PCDHA10: variants seen among roughly 807,000 people sequenced by gnomAD.
PCDHA10 encodes the protein protocadherin alpha-10.
A neutral mutation model predicts 61.2 loss-of-function variants in PCDHA10; 45 were observed. The observed-to-expected ratio is 0.74, with a 90% confidence interval of 0.58 to 0.94. PCDHA10 has a LOEUF of 0.94. Ranked by LOEUF, PCDHA10 falls within the 40% of genes least tolerant of loss-of-function variation. The pLI, the probability that PCDHA10 is intolerant of heterozygous loss-of-function variation, is 0.00. For synonymous variants in PCDHA10, 602 were observed against 548.8 expected (o/e 1.10, Z -1.35); for missense variants, 1,278 against 1,236.2 (o/e 1.03, Z -0.51).
intron 1 of PCDHA10, chr5:140,871,293 G>A (rs1206433527): frequency 6.2e-7 from 1 of 1,613,794 alleles, no homozygotes; most frequent in Non-Finnish European, 8.5e-7. Context: ...CTGAGGGCGC[G>A]TGCGCGCCGG....
At chr5:140,936,604 G>A (rs1186463181) in intron 1 of PCDHA10, among the ~76,000 whole-genome samples, 4 of 152,116 alleles carry the variant, frequency 2.6e-5, no homozygotes, top group South Asian at 2.1e-4. Context: ...TACTTTCCTC[G>A]CTGCTACTGT....
At chr5:140,951,420 T>G (rs1212893926) in intron 1 of PCDHA10, among the ~76,000 whole-genome samples, 3 of 151,992 alleles carry the variant, frequency 2.0e-5, no homozygotes, top group African/African-American at 7.2e-5. Flanking sequence ...TGGCTCACAG[T>G]TCCACAGGCT....
At chr5:140,969,112 A>G (rs781784282) in intron 1 of PCDHA10, 4 of 1,614,022 alleles carry the variant, frequency 2.5e-6, no homozygotes, top group Admixed American at 3.3e-5. Context: ...TTGAAGTTCG[A>G]GGGAATGGCT....
At chr5:140,939,051 T>G (rs1359303875) in intron 1 of PCDHA10, among the ~76,000 whole-genome samples, 1 of 152,236 alleles carries the variant, frequency 6.6e-6, no homozygotes, top group East Asian at 1.9e-4. Flanking sequence ...TTAGTCCATT[T>G]GGGCTGCTAT....
intron 3 of PCDHA10, among the ~76,000 whole-genome samples, chr5:140,999,654 C>T (rs180994815): frequency 1.3e-3 from 194 of 152,238 alleles, no homozygotes; most frequent in African/African-American, 4.4e-3. Context: ...AGCCTGAGCC[C>T]TGCTGGGTTG....
chr5:140,872,623 T>C (rs960064096), intron 1 of PCDHA10, among the ~76,000 whole-genome samples: 3 of 152,152 alleles, frequency 2.0e-5, no homozygotes, highest in African/African-American at 4.8e-5. Flanking sequence ...TTGCCTGTTC[T>C]TGATTTTGTT....
At chr5:140,915,814 A>G (rs2077313905) in intron 1 of PCDHA10, among the ~76,000 whole-genome samples, 1 of 152,102 alleles carries the variant, frequency 6.6e-6, no homozygotes, top group African/African-American at 2.4e-5. Flanking sequence ...TGTTCACTCA[A>G]GGCCCTAGGG....
chr5:140,923,792 T>G (rs2081513332), intron 1 of PCDHA10, among the ~76,000 whole-genome samples: 1 of 152,310 alleles, frequency 6.6e-6, no homozygotes, highest in South Asian at 2.1e-4. Flanking sequence ...CTTCATTCTT[T>G]TCACAAATGA....
chr5:140,985,394 A>C (rs2097150028), intron 3 of PCDHA10, among the ~76,000 whole-genome samples: 1 of 152,084 alleles, frequency 6.6e-6, no homozygotes, highest in South Asian at 2.1e-4. Context: ...AGTCACCCCA[A>C]CTGTTCCCCT....
intron 1 of PCDHA10, chr5:140,871,726 T>A (rs1412265993): frequency 1.3e-6 from 1 of 740,884 alleles, no homozygotes; most frequent in Non-Finnish European, 2.1e-6. Flanking sequence ...CTCTTAATAT[T>A]TGGTTAGCAA....
chr5:140,928,166 T>G, intron 1 of PCDHA10: 1 of 1,614,142 alleles, frequency 6.2e-7, no homozygotes, highest in South Asian at 1.1e-5. Context: ...TCACCCCCAC[T>G]TAGCACCCGA....
At position 140,874,324 on chromosome 5, in the gene PCDHA10, C is replaced by A. The variant is rs1369470009; in HGVS notation, c.2388+15888C>A. On this transcript the variant is annotated intron_variant, in intron 1 of 3. Transcript: ENST00000307360. Reference sequence around the variant, plus strand: ...TTCACAATGAGTTGTAGGATCTTATCTGTTTTTTTCTCTTAAAGCTGATCT... The same window carrying A: ...TTCACAATGAGTTGTAGGATCTTATATGTTTTTTTCTCTTAAAGCTGATCT... Among the ~76,000 whole-genome samples the A allele has an allele frequency of 2.6e-5, 4 of 151,652 alleles. No individual in the cohort carries two copies. In the East Asian group the frequency reaches 7.7e-4, roughly 29 times the overall value.
At chr5:140,887,976 TA>T (rs1462545504) in intron 1 of PCDHA10, among the ~76,000 whole-genome samples, 1 of 152,256 alleles carries the variant, frequency 6.6e-6, no homozygotes, top group African/African-American at 2.4e-5. Context: ...TTTTAAAATT[TA>T]TTTTACATGT....
intron 1 of PCDHA10, among the ~76,000 whole-genome samples, chr5:140,948,880 C>G (rs1430288840): frequency 6.6e-6 from 1 of 151,410 alleles, no homozygotes; most frequent in Non-Finnish European, 1.5e-5. Flanking sequence ...TTACTTTGCT[C>G]TCTTTTAGAT....
chr5:140,869,977 T>C (rs2051552630), intron 1 of PCDHA10: 1 of 1,613,234 alleles, frequency 6.2e-7, no homozygotes, highest in Non-Finnish European at 8.5e-7. Flanking sequence ...AAGACACTTA[T>C]TTACACTAGA....
intron 1 of PCDHA10, chr5:140,861,392 G>A (rs2046897620): frequency 2.2e-6 from 1 of 451,822 alleles, no homozygotes; most frequent in Non-Finnish European, 4.5e-6. Context: ...ACCTGGGTCT[G>A]GAGCTTGTGG....
At chr5:140,956,190 T>A (rs1441772845) in intron 1 of PCDHA10, among the ~76,000 whole-genome samples, 1 of 152,208 alleles carries the variant, frequency 6.6e-6, no homozygotes, top group Non-Finnish European at 1.5e-5. Flanking sequence ...CTATGCTGAA[T>A]AGGAGTGGTG....
intron 3 of PCDHA10, among the ~76,000 whole-genome samples, chr5:140,988,245 G>C (rs17286877): frequency 0.027 from 4,184 of 152,286 alleles, 88 homozygotes; most frequent in Non-Finnish European, 0.043. Flanking sequence ...GAGTGGGGCA[G>C]CTCCCGCCTG....
intron 1 of PCDHA10, among the ~76,000 whole-genome samples, chr5:140,957,899 A>G (rs551066654): frequency 3.0e-4 from 46 of 152,226 alleles, no homozygotes; most frequent in African/African-American, 1.1e-3. Flanking sequence ...GCATCAACCA[A>G]GGCATATTGT....
Sources: allele counts gnomAD v4.1 joint callset (sites outside exome capture counted in the v4.1 genomes callset), GRCh38; gene constraint gnomAD v4.1.1; transcripts MANE v1.5; gene names NCBI Gene and HGNC (gene_info 2026-07-23, HGNC 2026-07-21).